CCAR2: variants seen among roughly 807,000 people sequenced by gnomAD.
CCAR2 encodes cell cycle and apoptosis regulator 2.
Under a neutral mutation model 108.1 loss-of-function variants are expected in CCAR2, and 21 were observed. That is an observed-to-expected ratio of 0.19 (90% confidence interval 0.14 to 0.28). The LOEUF (loss-of-function observed/expected upper bound fraction) is 0.28. Ranked by LOEUF, CCAR2 falls within the 10% of genes least tolerant of loss-of-function variation. CCAR2 has a pLI of 1.00. For missense variants in CCAR2, 1,126 were observed against 1,177.0 expected, an observed-to-expected ratio of 0.96 and a Z score of 0.63; for synonymous variants, 577 against 472.8, an observed-to-expected ratio of 1.22 and a Z score of -2.86.
intron 10 of CCAR2, 115 bp from the exon 11 acceptor site, chr8:22,614,723 T>A: frequency 1.2e-6 from 1 of 828,224 alleles, no homozygotes; most frequent in Non-Finnish European, 1.8e-6. Context: ...CCTCACTGTG[T>A]GGTGGACTTC....
intron 20 of CCAR2, 117 bp downstream of exon 20, chr8:22,619,472 T>C: frequency 2.1e-6 from 3 of 1,425,448 alleles, no homozygotes; most frequent in Non-Finnish European, 2.9e-6. Context: ...ACCGGCTTCG[T>C]CTTTCCATCG....
intron 11 of CCAR2, 137 bp downstream of exon 11, chr8:22,615,138 A>G: frequency 8.1e-7 from 1 of 1,234,996 alleles, no homozygotes; most frequent in Non-Finnish European, 1.1e-6. Flanking sequence ...CTGGTGCCTC[A>G]GGGTAGGGTG....
chr8:22,617,809 C>T lies in CCAR2; in HGVS notation c.2073+31C>T, dbSNP rs180999869. 1.4e-5 allele frequency: 22 copies of T among 1,608,304 alleles called. No homozygotes were observed. In the East Asian group the frequency reaches 4.9e-4, roughly 36 times the overall value. On this transcript the variant is annotated intron_variant, in intron 16 of 20. Coordinates refer to ENST00000308511, the MANE Select transcript of CCAR2 (RefSeq NM_001393997.1). ...GCCTCTTCTCGACCACTCTGGGTCTCAGTGGTGGTGAGGCTTGGCAAGGCC... is the reference window on the plus strand; with the variant it reads ...GCCTCTTCTCGACCACTCTGGGTCTTAGTGGTGGTGAGGCTTGGCAAGGCC...
chr8:22,614,383 T>G lies in CCAR2; in HGVS notation c.928-7T>G. The G allele has an allele frequency of 6.2e-7, 1 of 1,614,114 alleles. No individual in the cohort carries two copies. Among genetic ancestry groups the G allele is most frequent in the Non-Finnish European group, 8.5e-7 (1 of 1,179,954 alleles). On this transcript the variant is annotated splice_polypyrimidine_tract_variant and splice_region_variant and intron_variant, in intron 9 of 20. Coordinates refer to ENST00000308511, the MANE Select transcript of CCAR2 (RefSeq NM_001393997.1). ...GAAGGCAGCTCTGAGTGTCTCCTCCTGCACAGGTACTGCTGCTCTCTTCCC... is the reference window on the plus strand; with the variant it reads ...GAAGGCAGCTCTGAGTGTCTCCTCCGGCACAGGTACTGCTGCTCTCTTCCC...
At chr8:22,616,821 A>G (rs1183219519) in intron 14 of CCAR2, among the ~76,000 whole-genome samples, 1 of 150,918 alleles carries the variant, frequency 6.6e-6, no homozygotes, top group Non-Finnish European at 1.5e-5. Context: ...CTGTCTCAAA[A>G]AAGAAAAAAA....
chr8:22,614,077 G>GCTGT lies in CCAR2; in HGVS notation c.705-12_705-9dup. On this transcript the variant is annotated splice_polypyrimidine_tract_variant and intron_variant, in intron 8 of 20. Transcript: ENST00000308511. ...GTCTTTGCTCAGTCTGGATTCCCTT[G>GCTGT]CTGTCTTCCTGTAGCCCCATCTGTG... is the stretch of plus-strand genomic sequence containing the variant. The GCTGT allele has an allele frequency of 6.2e-7, 1 of 1,608,128 alleles. No homozygotes were observed. Among genetic ancestry groups the GCTGT allele is most frequent in the East Asian group, 2.2e-5 (1 of 44,842 alleles).
At chr8:22,620,474 G>A (rs575607726), downstream of CCAR2, 1 of 122,876 alleles carries the variant, frequency 8.1e-6, no homozygotes, top group Non-Finnish European at 1.7e-5. Context: ...AAAACAAACT[G>A]AGAGTGTGTC....
Position 22,619,749 on chromosome 8 carries a change from G to T in CCAR2, c.*67G>T, listed in dbSNP as rs201138536. 98 of 1,516,346 alleles carry T rather than the reference G, an allele frequency of 6.5e-5. No homozygotes were observed. The South Asian group carries it at 1.1e-3, about 18-fold the overall frequency. The allele number at this position is 1,516,346 out of a possible 1,614,324, so 93.9% of individuals were successfully genotyped here. On this transcript the variant is annotated 3_prime_UTR_variant, in exon 21 of 21. Coordinates refer to ENST00000308511, the MANE Select transcript of CCAR2 (RefSeq NM_001393997.1). ...CGCCCGGCAAAGTTGGAGCCCTTGC[G>T]GTACCAGAAAGCAGCGAGAGCGAGA...
At chr8:22,620,532 C>T (rs1801746812), downstream of CCAR2, 1 of 152,138 alleles carries the variant, frequency 6.6e-6, no homozygotes, top group Non-Finnish European at 1.5e-5. Flanking sequence ...TGCCCTCCCA[C>T]CCAGCGCCTC....
rs1453626084 is a variant in CCAR2 at position 22,617,458 on chromosome 8, G to A, written c.1884G>A (p.Gly628=). Residue 628 remains glycine, a synonymous_variant, in exon 15 of 21, where the codon GGG becomes GGA. Coordinates refer to ENST00000308511, the MANE Select transcript of CCAR2 (RefSeq NM_001393997.1). ...TTTTGCCCAAACCACTCTCTTCTGGGGGAGAGGAAGAAGAAAAACCCCGGG... is the reference window on the plus strand; with the variant it reads ...TTTTGCCCAAACCACTCTCTTCTGGAGGAGAGGAAGAAGAAAAACCCCGGG... ...DGLLPKPLSS[G]GEEEEKPRGE... The A allele has an allele frequency of 2.5e-6, 4 of 1,598,920 alleles. No homozygotes were observed. The highest frequency in any genetic ancestry group is 3.4e-6 in the Non-Finnish European group (4 of 1,172,932).
Position 22,620,037 on chromosome 8 carries a change from G to A in CCAR2, c.*355G>A, listed in dbSNP as rs200824128. ...AAGACAGGGGAGAAAAAGGCTTTTCGAGTGTGGGACAAGGTCTGATGTCAG... is the reference window on the plus strand; with the variant it reads ...AAGACAGGGGAGAAAAAGGCTTTTCAAGTGTGGGACAAGGTCTGATGTCAG... On this transcript the variant is annotated 3_prime_UTR_variant, in exon 21 of 21. Coordinates refer to ENST00000308511, the MANE Select transcript of CCAR2 (RefSeq NM_001393997.1). 1.4e-5 allele frequency: 4 copies of A among 284,902 alleles called. No individual in the cohort carries two copies. The highest frequency in any genetic ancestry group is 8.7e-5 in the African/African-American group (4 of 46,218). The allele number at this position is 284,902 out of a possible 1,614,324, so 17.6% of individuals were successfully genotyped here. A position where few individuals can be genotyped will look rare whatever the true frequency, so the allele number is the denominator to read the frequency against.
At chr8:22,605,120 C>T (rs1203186101) in intron 1 of CCAR2, 8 of 238,664 alleles carry the variant, frequency 3.4e-5, no homozygotes, top group South Asian at 2.3e-4. Context: ...GCGGAGGGCC[C>T]GGGAGCGTGG....
rs1406793335 is a variant in CCAR2 at position 22,614,444 on chromosome 8, T to C, written c.982T>C (p.Phe328Leu). The part of the protein sequence containing the change: ...LEELYRCCML[F>L]VDDMAEPRET... The stretch of plus-strand genomic sequence containing the variant: ...GGAATTGTATCGTTGTTGCATGCTC[T>C]TTGTGGATGACATGGCTGAGCCAAG... The change falls in exon 10 of 21, where the codon TTT becomes CTT. Residue 328 changes from phenylalanine (F) to leucine (L), a missense_variant. Physicochemically the swap from Phe to Leu is conservative, Grantham distance 22 (BLOSUM62 0). Around this residue, in one of 4 missense-constraint regions of CCAR2, gnomAD observed 1,013 missense variants for 993.9 expected, o/e 1.02. Coordinates refer to ENST00000308511, the MANE Select transcript of CCAR2 (RefSeq NM_001393997.1). 1 of 1,614,208 alleles carries C rather than the reference T, an allele frequency of 6.2e-7. No homozygotes were observed. Among genetic ancestry groups the C allele is most frequent in the South Asian group, 1.1e-5 (1 of 91,092 alleles).
intron 11 of CCAR2, 96 bp from the exon 12 acceptor site, chr8:22,615,329 T>A: frequency 7.0e-7 from 1 of 1,429,942 alleles, no homozygotes; most frequent in Admixed American, 2.0e-5. Context: ...GTGTGCTCAT[T>A]GAGTGCTGAC....
In CCAR2 at chr8:22,615,826, G is replaced by C; in HGVS notation, c.1522G>C (p.Ala508Pro). ...PEAPPPPLEP[A>P]VIARPGCVNL... ...GGCCCCTCCACCCCCCCTAGAACCT[G>C]CTGTCATCGCACGCCCTGGCTGTGT... is the stretch of plus-strand genomic sequence containing the variant. The change falls in exon 13 of 21, where the codon GCT becomes CCT. Residue 508 changes from alanine (A) to proline (P), a missense_variant. Physicochemically the swap from Ala to Pro is conservative, Grantham distance 27. Coordinates refer to ENST00000308511, the MANE Select transcript of CCAR2 (RefSeq NM_001393997.1). 2.5e-6 allele frequency: 4 copies of C among 1,613,964 alleles called. No individual in the cohort carries two copies. Among genetic ancestry groups the C allele is most frequent in the Non-Finnish European group, 3.4e-6 (4 of 1,180,024 alleles).
Position 22,616,251 on chromosome 8 carries a change from G to T in CCAR2, c.1845+3G>T, listed in dbSNP as rs201747747. The T allele has an allele frequency of 3.7e-6, 6 of 1,611,558 alleles. No homozygotes were observed. The African/African-American group carries it at 5.3e-5, about 14-fold the overall frequency. On this transcript the variant is annotated splice_donor_region_variant and intron_variant, in intron 14 of 20. Coordinates refer to ENST00000308511, the MANE Select transcript of CCAR2 (RefSeq NM_001393997.1). The stretch of plus-strand genomic sequence containing the variant: ...CTACAGAGTCAGAGGCCCCGCTGGT[G>T]AGTACCCTGCCACCTCGGGCTGTCA...
intron 14 of CCAR2, among the ~76,000 whole-genome samples, chr8:22,616,928 C>T (rs1257071404): frequency 1.2e-5 from 1 of 86,934 alleles, no homozygotes; most frequent in Non-Finnish European, 2.0e-5. Context: ...GTCACCCAGG[C>T]TGAAGTGCAG....
intron 8 of CCAR2, 135 bp from the exon 9 acceptor site, chr8:22,613,957 C>T (rs908150104): frequency 2.9e-6 from 2 of 695,364 alleles, no homozygotes; most frequent in African/African-American, 3.6e-5. Flanking sequence ...TCTGATCTAG[C>T]TTCCTTGAGA....
chr8:22,614,536 A>G (rs762476720), intron 10 of CCAR2, 33 bp downstream of exon 10: 79 of 1,564,576 alleles, frequency 5.0e-5, no homozygotes, highest in Non-Finnish European at 6.9e-5. Context: ...AGATGCATTC[A>G]CGGGTAATGT....
Sources: allele counts gnomAD v4.1 joint callset (sites outside exome capture counted in the v4.1 genomes callset), GRCh38; gene constraint gnomAD v4.1.1; regional missense constraint gnomAD v4.1.1; transcripts MANE v1.5; gene names NCBI Gene and HGNC (gene_info 2026-07-23, HGNC 2026-07-21).